Variants in RGS6 observed in about 807,000 individuals in gnomAD.
RGS6 encodes regulator of G-protein signaling 6.
In RGS6, 30 loss-of-function variants were observed where a neutral mutation model predicts 78.5. That is an observed-to-expected ratio of 0.38 (90% CI 0.29 to 0.52). The LOEUF (loss-of-function observed/expected upper bound fraction) is 0.52. RGS6 is among the 20% of genes least tolerant of loss of function. The pLI is 0.85. For missense variants in RGS6, 495 were observed against 609.7 expected (o/e 0.81, Z 1.98); for synonymous variants, 206 against 206.0 (o/e 1.00, Z 0.00).
At chr14:72,041,168 G>A (rs1032076626) in intron 2 of RGS6, among the ~76,000 whole-genome samples, 3 of 152,012 alleles carry the variant, frequency 2.0e-5, no homozygotes, top group African/African-American at 7.3e-5. Flanking sequence ...GCTGGGATTT[G>A]GGCATTTGAA....
chr14:72,118,244 T>A (rs1005723423), intron 2 of RGS6, among the ~76,000 whole-genome samples: 1 of 152,012 alleles, frequency 6.6e-6, no homozygotes, highest in Non-Finnish European at 1.5e-5. Flanking sequence ...GACACCTTCA[T>A]AGATTTTGAG....
chr14:72,126,962 T>G (rs2096209683), intron 2 of RGS6, among the ~76,000 whole-genome samples: 1 of 152,198 alleles, frequency 6.6e-6, no homozygotes, highest in African/African-American at 2.4e-5. Flanking sequence ...GGTGGGGAAC[T>G]GGGGAGGCAT....
chr14:72,088,463 G>A (rs1225714437), intron 2 of RGS6, among the ~76,000 whole-genome samples: 1 of 152,152 alleles, frequency 6.6e-6, no homozygotes, highest in African/African-American at 2.4e-5. Context: ...TGGCAAAACA[G>A]AAGTGGGGCT....
intron 12 of RGS6, among the ~76,000 whole-genome samples, chr14:72,492,556 G>A (rs2096591960): frequency 6.6e-6 from 1 of 152,180 alleles, no homozygotes; most frequent in African/African-American, 2.4e-5. Flanking sequence ...ACTTACGTCG[G>A]GGGAGAAAAA....
chr14:72,302,827 C>T (rs1268610589), intron 2 of RGS6, among the ~76,000 whole-genome samples: 1 of 152,140 alleles, frequency 6.6e-6, no homozygotes, highest in Admixed American at 6.5e-5. Flanking sequence ...CCCATAATTC[C>T]CACATGTGGT....
intron 3 of RGS6, among the ~76,000 whole-genome samples, chr14:72,376,983 A>G (rs2084910173): frequency 6.6e-6 from 1 of 152,204 alleles, no homozygotes; most frequent in African/African-American, 2.4e-5. Flanking sequence ...CAAAAATAAG[A>G]GAGGAAGTAA....
chr14:71,934,666 TG>T (rs1442799218), intron 1 of RGS6, among the ~76,000 whole-genome samples: 1 of 152,228 alleles, frequency 6.6e-6, no homozygotes, highest in African/African-American at 2.4e-5. Flanking sequence ...GCAACATAGA[TG>T]TTTTTGAAGT....
intron 2 of RGS6, among the ~76,000 whole-genome samples, chr14:72,108,718 T>C (rs889352280): frequency 2.6e-5 from 4 of 152,150 alleles, no homozygotes; most frequent in African/African-American, 2.4e-5. Context: ...TTTAAGAACA[T>C]TTCTAATTCT....
At chr14:72,555,668 T>TG (rs918395383) in intron 17 of RGS6, among the ~76,000 whole-genome samples, 1 of 152,218 alleles carries the variant, frequency 6.6e-6, no homozygotes, top group African/African-American at 2.4e-5. Flanking sequence ...AACTCAGCTT[T>TG]GCCACTGACT....
chr14:72,207,426 G>A (rs1179016218), intron 2 of RGS6, among the ~76,000 whole-genome samples: 1 of 152,174 alleles, frequency 6.6e-6, no homozygotes, highest in Non-Finnish European at 1.5e-5. Flanking sequence ...CTGGCTTCTT[G>A]CTTTCATCTT....
chr14:71,992,759 A>G (rs2095019759), intron 2 of RGS6, among the ~76,000 whole-genome samples: 1 of 152,174 alleles, frequency 6.6e-6, no homozygotes, highest in African/African-American at 2.4e-5. Flanking sequence ...TATTTGGCCA[A>G]CTTATATTTC....
At chr14:72,489,103 AAG>A in intron 12 of RGS6, among the ~76,000 whole-genome samples, 1 of 151,438 alleles carries the variant, frequency 6.6e-6, no homozygotes. Flanking sequence ...AAAGCTAACT[AAG>A]GCTGAGATTA....
At chr14:71,903,961 G>A in the RGS6 span, among the ~76,000 whole-genome samples, 4 of 151,962 alleles carry the variant, frequency 2.6e-5, no homozygotes, top group Non-Finnish European at 5.9e-5. Context: ...AATCCACTGG[G>A]GAATACGAAC....
intron 2 of RGS6, among the ~76,000 whole-genome samples, chr14:72,136,950 A>G (rs541408795): frequency 2.6e-5 from 4 of 152,292 alleles, no homozygotes; most frequent in African/African-American, 7.2e-5. Flanking sequence ...GTAATTTCCA[A>G]GTGAAATGGA....
At chr14:72,473,287 C>CA (rs1035679844) in intron 9 of RGS6, among the ~76,000 whole-genome samples, 2 of 152,020 alleles carry the variant, frequency 1.3e-5, no homozygotes, top group Non-Finnish European at 2.9e-5. Flanking sequence ...ACTAAAAATA[C>CA]AAAAAAATTA....
chr14:72,483,034 T>G (rs2096412716), intron 12 of RGS6, among the ~76,000 whole-genome samples: 1 of 152,192 alleles, frequency 6.6e-6, no homozygotes, highest in Admixed American at 6.5e-5. Context: ...CTCATTTGTG[T>G]TCTCTGGATA....
chr14:71,997,806 G>A (rs544001985), intron 2 of RGS6, among the ~76,000 whole-genome samples: 2 of 152,260 alleles, frequency 1.3e-5, no homozygotes, highest in Non-Finnish European at 2.9e-5. Flanking sequence ...TATCTCTCAG[G>A]AACTCAACTA....
rs534087933 is a variant in RGS6, at chr14:72,184,458, T to A, written c.85-167637T>A. ...GAGAAGCCCAACCCAACAAACCACT[T>A]AAGGGAAACCATGAAAATGGTATCT... is the stretch of plus-strand genomic sequence containing the variant. On this transcript the variant is annotated intron_variant, in intron 2 of 17. Transcript: ENST00000553525. 1.3e-4 allele frequency among the ~76,000 whole-genome samples: 20 copies of A among 149,826 alleles called. No homozygotes were observed. The South Asian group carries it at 1.7e-3, about 13-fold the overall frequency.
rs543427997 is a variant in RGS6 at position 72,506,611 on chromosome 14, C to T, written c.966-3543C>T. 5.9e-5 allele frequency among the ~76,000 whole-genome samples: 9 copies of T among 152,128 alleles called. No individual in the cohort carries two copies. The South Asian group carries it at 8.3e-4, about 14-fold the overall frequency. On this transcript the variant is annotated intron_variant, in intron 13 of 17. Coordinates refer to ENST00000553525, the MANE Select transcript of RGS6 (RefSeq NM_001204424.2). ...TAGAACAGACTCCCAGTAGTGAAAT[C>T]GTACTAGGAAAATAAGGAAGAAATG...
Sources: allele counts gnomAD v4.1 joint callset (sites outside exome capture counted in the v4.1 genomes callset), GRCh38; gene constraint gnomAD v4.1.1; transcripts MANE v1.5; gene names NCBI Gene and HGNC (gene_info 2026-07-23, HGNC 2026-07-21).